Variants in PRUNE2 observed in about 807,000 individuals in gnomAD.
The protein encoded by PRUNE2 is protein prune homolog 2.
PRUNE2 carries 164 observed loss-of-function variants against 252.0 expected under a neutral mutation model. The observed-to-expected ratio is 0.65, with a 90% CI of 0.57 to 0.74. PRUNE2 has a LOEUF of 0.74. Ranked by LOEUF, PRUNE2 falls within the 30% of genes least tolerant of loss-of-function variation. The probability of loss-of-function intolerance (pLI) is 0.00; values close to 1 mark genes in which losing one functional copy is unlikely to be tolerated. For synonymous variants in PRUNE2, 1,292 were observed against 1,350.2 expected (o/e 0.96, Z 0.94); for missense variants, 3,495 against 3,711.0 (o/e 0.94, Z 1.51).
chr9:76,774,374 G>C (rs1011083876), intron 6 of PRUNE2, among the ~76,000 whole-genome samples: 1 of 151,252 alleles, frequency 6.6e-6, no homozygotes, highest in Admixed American at 6.6e-5. Context: ...CTGAGCTCAA[G>C]CAATCCACCT....
At chr9:76,760,435 C>T (rs2051594397) in intron 6 of PRUNE2, among the ~76,000 whole-genome samples, 1 of 152,166 alleles carries the variant, frequency 6.6e-6, no homozygotes, top group Admixed American at 6.6e-5. Flanking sequence ...AAAGATTCTT[C>T]TCTTTTTCTC....
intron 9 of PRUNE2, among the ~76,000 whole-genome samples, chr9:76,695,847 G>A (rs757732292): frequency 6.6e-6 from 1 of 152,060 alleles, no homozygotes; most frequent in Non-Finnish European, 1.5e-5. Flanking sequence ...TACTCTCATA[G>A]GTGGAGACAG....
At chr9:76,845,970 AGG>A (rs1177897765) in intron 4 of PRUNE2, among the ~76,000 whole-genome samples, 1 of 152,228 alleles carries the variant, frequency 6.6e-6, no homozygotes, top group Non-Finnish European at 1.5e-5. Flanking sequence ...TGGTGTGTTC[AGG>A]ACCCCAGGGC....
chr9:76,864,231 T>A (rs926430921), intron 1 of PRUNE2, among the ~76,000 whole-genome samples: 1 of 152,106 alleles, frequency 6.6e-6, no homozygotes, highest in South Asian at 2.1e-4. Flanking sequence ...CACTTATAAG[T>A]GGGAGCTAAA....
At position 76,706,152 on chromosome 9, in the gene PRUNE2, C is replaced by G; in HGVS notation, c.6122G>C (p.Ser2041Thr). 1 of 1,613,982 alleles carries G rather than the reference C, an allele frequency of 6.2e-7. No homozygotes were observed. The highest frequency in any genetic ancestry group is 8.5e-7 in the Non-Finnish European group (1 of 1,179,886). The part of the protein sequence containing the change: ...PGSEWDGSTP[S>T]EDSRGTFVPD... ...CACAAAGGTACCTCGGGAGTCCTCA[C>G]TTGGGGTAGAGCCATCCCATTCAGA... Residue 2041 changes from serine (S) to threonine (T), a missense_variant, in exon 8 of 19, where the codon AGT (serine) becomes ACT (threonine). Physicochemically the swap from Ser to Thr is moderately conservative, Grantham distance 58 (BLOSUM62 1). Coordinates refer to ENST00000376718, the MANE Select transcript of PRUNE2 (RefSeq NM_015225.3).
chr9:76,810,288 G>A (rs544588100), intron 6 of PRUNE2, among the ~76,000 whole-genome samples: 1 of 152,272 alleles, frequency 6.6e-6, no homozygotes, highest in African/African-American at 2.4e-5. Context: ...TCAAAGGGTA[G>A]TCATGGAGGT....
intron 6 of PRUNE2, among the ~76,000 whole-genome samples, chr9:76,820,149 T>C (rs1311887944): frequency 1.3e-5 from 2 of 152,186 alleles, no homozygotes; most frequent in East Asian, 3.8e-4. Context: ...AGTCCCCTTA[T>C]TAAGAAGAGC....
At chr9:76,719,657 T>A (rs1363519328) in intron 6 of PRUNE2, among the ~76,000 whole-genome samples, 1 of 151,968 alleles carries the variant, frequency 6.6e-6, no homozygotes, top group Non-Finnish European at 1.5e-5. Context: ...ATGTTCCTTT[T>A]TTTTTTCAGA....
intron 8 of PRUNE2, 49 bp downstream of exon 8, chr9:76,704,712 T>A (rs1371750129): frequency 7.8e-7 from 1 of 1,288,490 alleles, no homozygotes; most frequent in African/African-American, 1.5e-5. Flanking sequence ...TGCACTAGTT[T>A]AATCAACGCA....
In PRUNE2 at chr9:76,851,271, G is replaced by C. The variant is rs190714861; in HGVS notation, c.142-606C>G. ...GTTAAAACTTTAAATTAACGGGCTG[G>C]GTGCGATGGTTCATGCCCGTAATCC... is the stretch of plus-strand genomic sequence containing the variant. On this transcript the variant is annotated intron_variant, in intron 2 of 18. Coordinates refer to ENST00000376718, the MANE Select transcript of PRUNE2 (RefSeq NM_015225.3). Among the ~76,000 whole-genome samples the C allele has an allele frequency of 7.2e-5, 11 of 152,258 alleles. No homozygotes were observed. The East Asian group carries it at 2.1e-3, about 29-fold the overall frequency.
intron 1 of PRUNE2, among the ~76,000 whole-genome samples, chr9:76,880,815 A>G (rs920696668): frequency 6.6e-6 from 1 of 152,234 alleles, no homozygotes; most frequent in African/African-American, 2.4e-5. Flanking sequence ...TTTAAATAAA[A>G]TGTTATTTTG....
At chr9:76,826,455 A>G in intron 5 of PRUNE2, 125 bp downstream of exon 5, 1 of 678,938 alleles carries the variant, frequency 1.5e-6, no homozygotes, top group Non-Finnish European at 2.4e-6. Flanking sequence ...CCTGGGGGAT[A>G]GAGTGAGACT....
At chr9:76,871,935 C>A (rs922534799) in intron 1 of PRUNE2, among the ~76,000 whole-genome samples, 1 of 151,948 alleles carries the variant, frequency 6.6e-6, no homozygotes, top group Non-Finnish European at 1.5e-5. Context: ...AGCCTAGTTA[C>A]GACAATTTTC....
chr9:76,895,491 C>T (rs1011155686), intron 1 of PRUNE2, among the ~76,000 whole-genome samples: 4 of 152,264 alleles, frequency 2.6e-5, no homozygotes, highest in Middle Eastern at 6.8e-3. Flanking sequence ...GTCAGACAAC[C>T]GAAGCCTACC....
At chr9:76,673,970 A>C (rs1302909828) in intron 9 of PRUNE2, among the ~76,000 whole-genome samples, 1 of 152,212 alleles carries the variant, frequency 6.6e-6, no homozygotes, top group Admixed American at 6.5e-5. Flanking sequence ...CAAAAACTGG[A>C]AGCATTACCT....
chr9:76,614,400 A>G lies in PRUNE2; in HGVS notation c.*170T>C, dbSNP rs1828435339. Reference sequence around the variant, plus strand: ...AAAATAGGAAAGTACACACAATTTCATAAAATATCTTAAGAGTAAACAAAC... The same window carrying G: ...AAAATAGGAAAGTACACACAATTTCGTAAAATATCTTAAGAGTAAACAAAC... On this transcript the variant is annotated 3_prime_UTR_variant, in exon 19 of 19. Transcript: ENST00000376718. The G allele has an allele frequency of 1.2e-5, 8 of 640,766 alleles. No individual in the cohort carries two copies. Among genetic ancestry groups the G allele is most frequent in the South Asian group, 7.5e-5 (4 of 53,294 alleles). 39.7% of individuals were successfully genotyped at this position (640,766 alleles called of 1,614,324 possible). A position where few individuals can be genotyped will look rare whatever the true frequency, so the allele number is the denominator to read the frequency against.
At chr9:76,782,814 A>G (rs1044088014) in intron 6 of PRUNE2, 3 of 152,242 alleles carry the variant, frequency 2.0e-5, no homozygotes, top group African/African-American at 7.2e-5. Flanking sequence ...GAAAGACTAC[A>G]GACATCTCAA....
chr9:76,782,997 T>A (rs1791866847), intron 6 of PRUNE2, among the ~76,000 whole-genome samples: 1 of 152,218 alleles, frequency 6.6e-6, no homozygotes, highest in South Asian at 2.1e-4. Context: ...CTCCCCCATG[T>A]TACGTGTCAT....
chr9:76,651,704 G>C (rs369855119), intron 11 of PRUNE2, among the ~76,000 whole-genome samples: 4 of 152,188 alleles, frequency 2.6e-5, no homozygotes, highest in African/African-American at 4.8e-5. Context: ...TATCAGGAGT[G>C]TCAGTCTTGG....
Sources: allele counts gnomAD v4.1 joint callset (sites outside exome capture counted in the v4.1 genomes callset), GRCh38; gene constraint gnomAD v4.1.1; transcripts MANE v1.5; gene names NCBI Gene and HGNC (gene_info 2026-07-23, HGNC 2026-07-21).